The following ZSWIM3 variants were observed in gnomAD, a reference collection of about 807,000 sequenced individuals.
ZSWIM3 encodes the protein zinc finger SWIM domain-containing protein 3.
In ZSWIM3, 27 loss-of-function variants were observed where a neutral mutation model predicts 47.5. The observed-to-expected ratio is 0.57, with a 90% confidence interval of 0.42 to 0.78. The LOEUF is 0.78. Ranked by LOEUF, ZSWIM3 falls within the 30% of genes least tolerant of loss-of-function variation. The pLI is 0.00. For synonymous variants in ZSWIM3, 333 were observed against 333.9 expected, an observed-to-expected ratio of 1.00 and a Z score of 0.03; for missense variants, 689 against 861.3, an observed-to-expected ratio of 0.80 and a Z score of 2.50.
chr20:45,868,050 G>A (rs913038357), intron 1 of ZSWIM3, among the ~76,000 whole-genome samples: 1 of 152,174 alleles, frequency 6.6e-6, no homozygotes, highest in African/African-American at 2.4e-5. Flanking sequence ...CCATCCCTCT[G>A]CTTATCCCTG....
At chr20:45,869,992 C>T (rs1462708989) in intron 1 of ZSWIM3, among the ~76,000 whole-genome samples, 7 of 141,600 alleles carry the variant, frequency 4.9e-5, no homozygotes, top group South Asian at 2.3e-4. Flanking sequence ...TACAGTGAGT[C>T]GAGATCTTGC....
intron 1 of ZSWIM3, among the ~76,000 whole-genome samples, chr20:45,866,448 T>A (rs1421658219): frequency 6.6e-6 from 1 of 152,128 alleles, no homozygotes; most frequent in Non-Finnish European, 1.5e-5. Flanking sequence ...CCCTTGACCT[T>A]GGGCAAAACT....
At chr20:45,860,510 CAAA>C (rs59152975) in intron 1 of ZSWIM3, among the ~76,000 whole-genome samples, 3 of 102,634 alleles carry the variant, frequency 2.9e-5, no homozygotes, top group Non-Finnish European at 5.4e-5. Flanking sequence ...GACTCCATCT[CAAA>C]AAAAAAAAAA....
In ZSWIM3 at chr20:45,877,716, T is replaced by G; in HGVS notation, c.1158T>G (p.Leu386=). The change falls in exon 2 of 2, where the codon CTT becomes CTG. Residue 386 remains leucine (L), a synonymous_variant. Coordinates refer to ENST00000255152, the MANE Select transcript of ZSWIM3 (RefSeq NM_080752.4). ...ACATGCATGTTAGGAAGGGCCTGCT[T>G]GCGTGTAACACCTACATGGACAGCC... ...LWYMHVRKGL[L]ACNTYMDSLD... 6.2e-7 allele frequency: 1 copy of G among 1,613,996 alleles called. No individual in the cohort carries two copies. The highest frequency in any genetic ancestry group is 8.5e-7 in the Non-Finnish European group (1 of 1,179,914).
chr20:45,860,700 T>C (rs1985687115), intron 1 of ZSWIM3, among the ~76,000 whole-genome samples: 1 of 152,070 alleles, frequency 6.6e-6, no homozygotes, highest in Non-Finnish European at 1.5e-5. Context: ...TGCCTCCCTC[T>C]TCCACTTTTA....
intron 1 of ZSWIM3, among the ~76,000 whole-genome samples, chr20:45,861,737 G>C (rs1985713413): frequency 1.3e-5 from 2 of 151,928 alleles, no homozygotes; most frequent in African/African-American, 4.8e-5. Flanking sequence ...CCCATGCCAG[G>C]CTAATTTTTT....
At chr20:45,868,420 A>T (rs56850467) in intron 1 of ZSWIM3, among the ~76,000 whole-genome samples, 7 of 150,378 alleles carry the variant, frequency 4.7e-5, no homozygotes, top group African/African-American at 1.2e-4. Flanking sequence ...GTGTTTGGGA[A>T]TTTTTTTTTT....
Position 45,857,859 on chromosome 20 carries a change from G to A in ZSWIM3, c.34G>A (p.Asp12Asn), listed in dbSNP as rs766788234. Residue 12 changes from aspartate (D) to asparagine (N), a missense_variant, in exon 1 of 2, where the codon GAC (aspartate) becomes AAC (asparagine). Coordinates refer to ENST00000255152, the MANE Select transcript of ZSWIM3 (RefSeq NM_080752.4). ...GGGCAGCTGCTTCAAGACCTATGAG[G>A]ACTTCAAGGAGTGCTTCAGCGCCTA... ...ELGSCFKTYEDFKECFSAYKR... is the reference protein window; with the variant it reads ...ELGSCFKTYENFKECFSAYKR... 1.3e-5 allele frequency: 21 copies of A among 1,614,026 alleles called. No homozygotes were observed.
At position 45,878,359 on chromosome 20, in the gene ZSWIM3, C is replaced by T. The variant is rs542143044; in HGVS notation, c.1801C>T (p.Arg601Cys). 114 of 1,614,208 alleles carry T rather than the reference C, an allele frequency of 7.1e-5. No individual in the cohort carries two copies. Among genetic ancestry groups the T allele is most frequent in the Non-Finnish European group, 8.3e-5 (98 of 1,180,042 alleles). The change falls in exon 2 of 2, where the codon CGT becomes TGT. Residue 601 changes from arginine (R) to cysteine (C), a missense_variant. Physicochemically the swap from Arg to Cys is radical, Grantham distance 180. Coordinates refer to ENST00000255152, the MANE Select transcript of ZSWIM3 (RefSeq NM_080752.4). ...LLGPNGELQDRGMVPNTGQPE... is the reference protein window; with the variant it reads ...LLGPNGELQDCGMVPNTGQPE... ...TGGGCCCAATGGGGAGCTCCAGGAT[C>T]GTGGTATGGTCCCAAACACAGGCCA...
intron 1 of ZSWIM3, among the ~76,000 whole-genome samples, chr20:45,859,421 T>TG (rs767136921): frequency 2.4e-4 from 17 of 70,452 alleles, no homozygotes; most frequent in Admixed American, 5.2e-4. Flanking sequence ...AAAAGGAATG[T>TG]GGAAAAAAAA....
intron 1 of ZSWIM3, among the ~76,000 whole-genome samples, chr20:45,867,226 C>T (rs112618062): frequency 6.6e-6 from 1 of 151,838 alleles, no homozygotes; most frequent in Non-Finnish European, 1.5e-5. Flanking sequence ...AGGCTGGTCT[C>T]GAACTCCTGA....
intron 1 of ZSWIM3, among the ~76,000 whole-genome samples, chr20:45,865,992 C>CAAAAAAAAAA (rs377544841): frequency 1.0e-5 from 1 of 98,820 alleles, no homozygotes. Context: ...GACTCTGTCT[C>CAAAAAAAAAA]AAAAAAAAAA....
chr20:45,860,510 C>CAAAAA (rs59152975), intron 1 of ZSWIM3, among the ~76,000 whole-genome samples: 4 of 102,626 alleles, frequency 3.9e-5, no homozygotes, highest in African/African-American at 1.1e-4. Flanking sequence ...GACTCCATCT[C>CAAAAA]AAAAAAAAAA....
chr20:45,859,423 G>GAA (rs74176827), intron 1 of ZSWIM3, among the ~76,000 whole-genome samples: 2 of 56,696 alleles, frequency 3.5e-5, no homozygotes, highest in African/African-American at 7.1e-5. Flanking sequence ...AAGGAATGTG[G>GAA]AAAAAAAAAA....
intron 1 of ZSWIM3, among the ~76,000 whole-genome samples, chr20:45,861,224 T>C (rs1055705398): frequency 1.3e-5 from 2 of 152,192 alleles, no homozygotes; most frequent in Non-Finnish European, 2.9e-5. Context: ...TAGACCAGCC[T>C]GGGCAACATG....
At chr20:45,869,967 C>A (rs6130957) in intron 1 of ZSWIM3, among the ~76,000 whole-genome samples, 1 of 149,604 alleles carries the variant, frequency 6.7e-6, no homozygotes, top group African/African-American at 2.5e-5. Context: ...TCGCTGGAAC[C>A]CAGGAGGCGG....
intron 1 of ZSWIM3, among the ~76,000 whole-genome samples, chr20:45,865,420 G>A (rs972376795): frequency 6.6e-6 from 1 of 151,760 alleles, no homozygotes; most frequent in Admixed American, 6.6e-5. Context: ...CCCGGGAGGC[G>A]GAGCTTGCAG....
chr20:45,870,366 C>T (rs930911789), intron 1 of ZSWIM3, among the ~76,000 whole-genome samples: 1 of 151,462 alleles, frequency 6.6e-6, no homozygotes, highest in Non-Finnish European at 1.5e-5. Context: ...TCCTTGGTTT[C>T]CTGCCAATTT....
At chr20:45,860,949 A>G (rs1568744572) in intron 1 of ZSWIM3, among the ~76,000 whole-genome samples, 1 of 152,214 alleles carries the variant, frequency 6.6e-6, no homozygotes, top group Admixed American at 6.5e-5. Flanking sequence ...AGACGTAAAC[A>G]TGACGTGCTT....
Sources: allele counts gnomAD v4.1 joint callset (sites outside exome capture counted in the v4.1 genomes callset), GRCh38; gene constraint gnomAD v4.1.1; transcripts MANE v1.5; gene names NCBI Gene and HGNC (gene_info 2026-07-23, HGNC 2026-07-21).